The following SLC1A3 variants were observed in gnomAD, a reference collection of about 807,000 sequenced individuals.
SLC1A3 encodes the protein solute carrier family 1 member 3, also known as excitatory amino acid transporter 1.
Under a neutral mutation model 48.1 loss-of-function variants are expected in SLC1A3, and 21 were observed. The ratio of observed to expected loss-of-function variants is 0.44; its 90% confidence interval spans 0.31 to 0.63. The LOEUF is 0.63. SLC1A3 is among the 20% of genes least tolerant of loss of function. The pLI, the probability that SLC1A3 is intolerant of heterozygous loss-of-function variation, is 0.08. For missense variants in SLC1A3, 546 were observed against 689.0 expected, an observed-to-expected ratio of 0.79 and a Z score of 2.32; for synonymous variants, 239 against 251.4, an observed-to-expected ratio of 0.95 and a Z score of 0.47.
At chr5:36,623,769 CAGG>C (rs2111730792) in intron 2 of SLC1A3, among the ~76,000 whole-genome samples, 1 of 150,112 alleles carries the variant, frequency 6.7e-6, no homozygotes, top group Admixed American at 6.7e-5. Context: ...GAGGCTGAGG[CAGG>C]AGAATCGCTT....
At position 36,676,999 on chromosome 5, in the gene SLC1A3, C is replaced by A. The variant is rs564543974; in HGVS notation, c.675C>A (p.Thr225=). 6.2e-7 allele frequency: 1 copy of A among 1,613,832 alleles called. No individual in the cohort carries two copies. Among genetic ancestry groups the A allele is most frequent in the South Asian group, 1.1e-5 (1 of 91,076 alleles). ...TGTCTGAGGCCATGGAGACTCTTAC[C>A]CGAATCACAGAGGAGCTGGTCCCAG... ...NNVSEAMETL[T]RITEELVPVP... is the part of the protein sequence containing the mutation. The change falls in exon 6 of 10, where the codon ACC becomes ACA. Residue 225 remains threonine (T), a synonymous_variant. Coordinates refer to ENST00000265113, the MANE Select transcript of SLC1A3 (RefSeq NM_004172.5).
At chr5:36,682,852 C>G (rs562195206) in intron 8 of SLC1A3, among the ~76,000 whole-genome samples, 1 of 152,112 alleles carries the variant, frequency 6.6e-6, no homozygotes, top group African/African-American at 2.4e-5. Flanking sequence ...GAGCCATATA[C>G]CAGCTAAAAG....
rs552691946 is a variant in SLC1A3 at position 36,643,589 on chromosome 5, A to G, written c.319+14002A>G. 2.6e-4 allele frequency among the ~76,000 whole-genome samples: 39 copies of G among 152,294 alleles called. 1 individual carries two copies. Among genetic ancestry groups the G allele is most frequent in the Admixed American group, 2.3e-3 (35 of 15,298 alleles). ...GTAAAAACGCTGGGCACTAGACTAT[A>G]CAGGGATTACTGTACCACTTGTCAT... On this transcript the variant is annotated intron_variant, in intron 3 of 9. Coordinates refer to ENST00000265113, the MANE Select transcript of SLC1A3 (RefSeq NM_004172.5).
intron 3 of SLC1A3, among the ~76,000 whole-genome samples, chr5:36,652,552 A>C (rs902513182): frequency 7.2e-5 from 11 of 152,348 alleles, no homozygotes; most frequent in South Asian, 2.1e-4. Context: ...CATCAATAAC[A>C]GGTGTACAGT....
Position 36,679,876 on chromosome 5 carries a change from T to C in SLC1A3, c.1094+16T>C. On this transcript the variant is annotated intron_variant, in intron 7 of 9. Transcript: ENST00000265113. ...CCTCTTCAAGGTATGTATGTATGTG[T>C]GGAAAATGAGTCTGAAATGTTACCT... 6.4e-7 allele frequency: 1 copy of C among 1,569,608 alleles called. No homozygotes were observed. The highest frequency in any genetic ancestry group is 8.8e-7 in the Non-Finnish European group (1 of 1,139,718).
intron 5 of SLC1A3, among the ~76,000 whole-genome samples, chr5:36,675,391 C>T (rs964251855): frequency 1.3e-5 from 2 of 152,104 alleles, no homozygotes; most frequent in African/African-American, 4.8e-5. Context: ...GTCAGCTGGC[C>T]CTGTGTGATA....
chr5:36,671,272 G>A (rs762539672), intron 4 of SLC1A3, 39 bp downstream of exon 4: 17 of 1,458,466 alleles, frequency 1.2e-5, no homozygotes, highest in Middle Eastern at 1.7e-4. Context: ...GTGTATTTTC[G>A]CCATCCAGAC....
intron 3 of SLC1A3, among the ~76,000 whole-genome samples, chr5:36,646,139 G>C (rs994345053): frequency 9.2e-5 from 14 of 152,320 alleles, no homozygotes; most frequent in Admixed American, 1.3e-4. Flanking sequence ...TTAAGGGAAA[G>C]CTAAAGATAC....
rs111825159 is a variant in SLC1A3, at chr5:36,619,221, G to C, written c.182-10229G>C. ...AGGAGTGGGGGAGGGTTAAGAGGTT[G>C]CCTCCAACACTGAGTAGCTTCTCAC... On this transcript the variant is annotated intron_variant, in intron 2 of 9. Coordinates refer to ENST00000265113, the MANE Select transcript of SLC1A3 (RefSeq NM_004172.5). Among the ~76,000 whole-genome samples, 460 of 152,332 alleles carry C rather than the reference G, an allele frequency of 3.0e-3. 3 individuals are homozygous for C. The highest frequency in any genetic ancestry group is 0.011 in the African/African-American group (443 of 41,570).
At chr5:36,620,774 A>G (rs1739630925) in intron 2 of SLC1A3, among the ~76,000 whole-genome samples, 1 of 152,232 alleles carries the variant, frequency 6.6e-6, no homozygotes, top group Admixed American at 6.5e-5. Context: ...AGAGAAAATA[A>G]TAAACAACAA....
chr5:36,661,095 G>C (rs1054299901), intron 3 of SLC1A3, among the ~76,000 whole-genome samples: 1 of 152,142 alleles, frequency 6.6e-6, no homozygotes, highest in African/African-American at 2.4e-5. Flanking sequence ...TTATATAGTA[G>C]ATAAGATTCA....
At chr5:36,680,338 C>T (rs949762749) in intron 7 of SLC1A3, 57 bp from the exon 8 acceptor site, 1 of 1,456,836 alleles carries the variant, frequency 6.9e-7, no homozygotes, top group African/African-American at 1.4e-5. Flanking sequence ...ACCAAACGCA[C>T]AGACAGTCAG....
chr5:36,678,982 A>T (rs930628549), intron 6 of SLC1A3, among the ~76,000 whole-genome samples: 1 of 152,262 alleles, frequency 6.6e-6, no homozygotes, highest in African/African-American at 2.4e-5. Flanking sequence ...AAGTAAATTT[A>T]CTTAAGTAAA....
intron 3 of SLC1A3, among the ~76,000 whole-genome samples, chr5:36,662,126 C>G (rs1168440320): frequency 1.3e-5 from 2 of 152,268 alleles, no homozygotes; most frequent in East Asian, 3.9e-4. Context: ...CTCATTAAAC[C>G]AAAGCAATTT....
intron 3 of SLC1A3, among the ~76,000 whole-genome samples, chr5:36,642,147 T>A (rs1740641061): frequency 1.3e-5 from 2 of 152,202 alleles, no homozygotes; most frequent in African/African-American, 4.8e-5. Flanking sequence ...ATTATTTGAT[T>A]TTAGCAGCAA....
At chr5:36,665,346 C>G (rs978256306) in intron 3 of SLC1A3, among the ~76,000 whole-genome samples, 2 of 152,096 alleles carry the variant, frequency 1.3e-5, no homozygotes, top group Non-Finnish European at 2.9e-5. Flanking sequence ...GCACTGAGGC[C>G]ACTGCAATGA....
intron 8 of SLC1A3, 128 bp downstream of exon 8, chr5:36,680,717 A>T: frequency 2.6e-6 from 2 of 779,968 alleles, no homozygotes; most frequent in Non-Finnish European, 4.5e-6. Flanking sequence ...CAGGAGTTCA[A>T]GACTAGCCTG....
Position 36,618,778 on chromosome 5 carries a change from T to C in SLC1A3, c.181+10174T>C, listed in dbSNP as rs1001945005. On this transcript the variant is annotated intron_variant, in intron 2 of 9. Transcript: ENST00000265113. ...TTCATTCCCAGTTTCTACTTGTTCA[T>C]AATAATTTCCTTTTTCCAGAAAGGA... is the stretch of plus-strand genomic sequence containing the variant. Among the ~76,000 whole-genome samples the C allele has an allele frequency of 2.6e-5, 4 of 152,236 alleles. No individual in the cohort carries two copies. In the South Asian group the frequency reaches 6.2e-4, roughly 24 times the overall value.
intron 3 of SLC1A3, among the ~76,000 whole-genome samples, chr5:36,649,034 G>T (rs1740947606): frequency 6.6e-6 from 1 of 152,074 alleles, no homozygotes; most frequent in Admixed American, 6.5e-5. Context: ...GTATCTGATT[G>T]ACTCATTGGT....
Sources: allele counts gnomAD v4.1 joint callset (sites outside exome capture counted in the v4.1 genomes callset), GRCh38; gene constraint gnomAD v4.1.1; transcripts MANE v1.5; gene names NCBI Gene and HGNC (gene_info 2026-07-23, HGNC 2026-07-21).